Variants in C16orf89 observed in about 807,000 individuals in gnomAD.
The protein encoded by C16orf89 is chromosome 16 open reading frame 89, also known as UPF0764 protein C16orf89.
A neutral mutation model predicts 41.5 loss-of-function variants in C16orf89; 57 were observed. That is an observed-to-expected ratio of 1.38 (90% confidence interval 1.11 to 1.71). The LOEUF is 1.71. C16orf89 is among the 40% of genes most tolerant of loss of function. C16orf89 has a pLI of 0.00. For synonymous variants in C16orf89, 223 were observed against 190.6 expected, an observed-to-expected ratio of 1.17 and a Z score of -1.40; for missense variants, 575 against 445.9, an observed-to-expected ratio of 1.29 and a Z score of -2.61.
chr16:5,045,831 G>C (rs184425120), intron 7 of C16orf89, among the ~76,000 whole-genome samples: 1 of 152,126 alleles, frequency 6.6e-6, no homozygotes, highest in Non-Finnish European at 1.5e-5. Context: ...CCTGCTCCGT[G>C]GGCTTGTGTC....
chr16:5,063,988 G>A (rs954965304), intron 1 of C16orf89, among the ~76,000 whole-genome samples: 17 of 152,080 alleles, frequency 1.1e-4, no homozygotes, highest in Admixed American at 3.3e-4. Flanking sequence ...TTAGCCGGGC[G>A]TGGTGGTGGG....
chr16:5,054,590 G>A (rs1956455135), intron 6 of C16orf89, among the ~76,000 whole-genome samples: 1 of 152,124 alleles, frequency 6.6e-6, no homozygotes, highest in African/African-American at 2.4e-5. Context: ...ATGGTGTCTG[G>A]TACATTAGTG....
intron 4 of C16orf89, among the ~76,000 whole-genome samples, chr16:5,057,394 T>C (rs1956532958): frequency 1.4e-5 from 2 of 147,632 alleles, no homozygotes; most frequent in Non-Finnish European, 3.0e-5. Context: ...GGTATATATA[T>C]AGTGGTATAT....
At chr16:5,061,913 C>T (rs1190372578) in intron 2 of C16orf89, among the ~76,000 whole-genome samples, 3 of 151,908 alleles carry the variant, frequency 2.0e-5, no homozygotes, top group Non-Finnish European at 2.9e-5. Context: ...CAGGGTCACT[C>T]GGGGCTGGTG....
At chr16:5,044,030 G>T (rs543467997), downstream of C16orf89, 42 of 664,646 alleles carry the variant, frequency 6.3e-5, no homozygotes, top group East Asian at 9.4e-5. Flanking sequence ...AAAGAAAAAA[G>T]AATTTGTGTT....
rs774928212 is a variant in C16orf89, at chr16:5,056,073, C to G, written c.743G>C (p.Arg248Pro). ...CATACTGTTTTCCATGAAGATGTCC[C>G]GGGTAGGGTAGGCGTATCCGATGGC... ...AEAIGYAYPT[R>P]DIFMENIMFC... is the part of the protein sequence containing the mutation. Residue 248 changes from arginine (R) to proline (P), a missense_variant, in exon 5 of 8, where the codon CGG becomes CCG. Arg to Pro is a moderately radical substitution (Grantham distance 103, BLOSUM62 -2). Coordinates refer to ENST00000472572, the MANE Select transcript of C16orf89 (RefSeq NM_001098514.3). The G allele has an allele frequency of 3.1e-6, 5 of 1,594,746 alleles. No homozygotes were observed. The highest frequency in any genetic ancestry group is 4.3e-6 in the Non-Finnish European group (5 of 1,164,360).
Position 5,056,206 on chromosome 16 carries a change from C to A in C16orf89, c.628-18G>T, listed in dbSNP as rs367572318. On this transcript the variant is annotated intron_variant, in intron 4 of 7. Coordinates refer to ENST00000472572, the MANE Select transcript of C16orf89 (RefSeq NM_001098514.3). ...CACCCCCTCTGGGGAGACAAACACC[C>A]AAAGACAAGGGAGTCAGTGGTACAG... The A allele has an allele frequency of 1.6e-5, 25 of 1,577,518 alleles. No homozygotes were observed. The highest frequency in any genetic ancestry group is 3.4e-5 in the Admixed American group (2 of 59,050).
chr16:5,065,633 G>A (rs1423480384), intron 1 of C16orf89, 68 bp downstream of exon 1: 14 of 1,498,248 alleles, frequency 9.3e-6, no homozygotes, highest in Non-Finnish European at 1.3e-5. Context: ...GGCGTACAGA[G>A]CAGGGCAGGG....
intron 7 of C16orf89, among the ~76,000 whole-genome samples, chr16:5,045,252 G>T (rs904053152): frequency 6.6e-6 from 1 of 152,162 alleles, no homozygotes; most frequent in African/African-American, 2.4e-5. Flanking sequence ...TTGGGTAGCC[G>T]AGCTGAGCCC....
At chr16:5,061,186 C>A (rs188764595) in intron 2 of C16orf89, among the ~76,000 whole-genome samples, 1 of 140,156 alleles carries the variant, frequency 7.1e-6, no homozygotes, top group Non-Finnish European at 1.5e-5. Flanking sequence ...AGCATGAACC[C>A]GGGAGACAGA....
At chr16:5,046,378 G>A (rs1956298213) in intron 7 of C16orf89, among the ~76,000 whole-genome samples, 1 of 151,588 alleles carries the variant, frequency 6.6e-6, no homozygotes, top group African/African-American at 2.4e-5. Flanking sequence ...TTGAGACACA[G>A]TCTCACTCTG....
chr16:5,057,758 A>T (rs1278051271), intron 4 of C16orf89, among the ~76,000 whole-genome samples: 1 of 151,946 alleles, frequency 6.6e-6, no homozygotes, highest in Non-Finnish European at 1.5e-5. Flanking sequence ...CGAACTCCTG[A>T]TCTCAAGTGA....
intron 7 of C16orf89, 139 bp downstream of exon 7, chr16:5,047,739 C>T: frequency 1.5e-6 from 1 of 661,018 alleles, no homozygotes. Flanking sequence ...TTCCACCTCT[C>T]AACATGAAGG....
At position 5,044,201 on chromosome 16, in the gene C16orf89, G is replaced by T; in HGVS notation, c.*147C>A. ...CACCTACCCTGGCCTTGCCTACTCA[G>T]GGCTTCCAAGATTGGGTGTCGGGGT... On this transcript the variant is annotated 3_prime_UTR_variant, in exon 8 of 8. Transcript: ENST00000472572. 7.1e-7 allele frequency: 1 copy of T among 1,403,538 alleles called. No individual in the cohort carries two copies. The highest frequency in any genetic ancestry group is 9.2e-7 in the Non-Finnish European group (1 of 1,083,694). 86.9% of individuals were successfully genotyped at this position (1,403,538 alleles called of 1,614,324 possible). A position where few individuals can be genotyped will look rare whatever the true frequency, so the allele number is the denominator to read the frequency against.
intron 4 of C16orf89, among the ~76,000 whole-genome samples, chr16:5,056,483 C>T (rs1488799658): frequency 1.3e-5 from 2 of 152,180 alleles, no homozygotes; most frequent in Non-Finnish European, 2.9e-5. Flanking sequence ...CTAGAAACGG[C>T]ACCAGAGGGG....
intron 1 of C16orf89, among the ~76,000 whole-genome samples, chr16:5,065,178 C>G (rs867744681): frequency 1.3e-5 from 2 of 152,234 alleles, no homozygotes; most frequent in South Asian, 4.1e-4. Context: ...TGTGTGTTTA[C>G]CTTGGCCTGT....
chr16:5,044,041 G>T, downstream of C16orf89: 18 of 730,668 alleles, frequency 2.5e-5, no homozygotes, highest in East Asian at 7.2e-5. Context: ...AATTTGTGTT[G>T]AGTGGGATTG....
chr16:5,057,325 G>A lies in C16orf89; in HGVS notation c.628-1137C>T, dbSNP rs933417825. Among the ~76,000 whole-genome samples the A allele has an allele frequency of 2.1e-5, 3 of 145,366 alleles. 1 individual carries two copies. In the East Asian group the frequency reaches 6.0e-4, roughly 29 times the overall value. On this transcript the variant is annotated intron_variant, in intron 4 of 7. Transcript: ENST00000472572. ...ATATATAGTGGTATATATATACATA[G>A]TGGTGTATATATATAGTGGTATATA...
intron 7 of C16orf89, among the ~76,000 whole-genome samples, chr16:5,045,595 C>A (rs1404691649): frequency 1.3e-5 from 2 of 152,154 alleles, no homozygotes; most frequent in South Asian, 2.1e-4. Context: ...CTAACCCTGG[C>A]AGCTCATGCC....
Sources: allele counts gnomAD v4.1 joint callset (sites outside exome capture counted in the v4.1 genomes callset), GRCh38; gene constraint gnomAD v4.1.1; transcripts MANE v1.5; gene names NCBI Gene and HGNC (gene_info 2026-07-23, HGNC 2026-07-21).